Variants in DIP2C observed in about 807,000 individuals in gnomAD.
DIP2C encodes the protein DIP2 acetate--CoA ligase C (putative), also known as disco-interacting protein 2 homolog C.
Under a neutral mutation model 192.4 loss-of-function variants are expected in DIP2C, and 33 were observed. That is an observed-to-expected ratio of 0.17 (90% CI 0.13 to 0.23). The LOEUF is 0.23. DIP2C is among the 10% of genes least tolerant of loss of function. The pLI is 1.00. For synonymous variants in DIP2C, 979 were observed against 864.1 expected, an observed-to-expected ratio of 1.13 and a Z score of -2.33; for missense variants, 1,537 against 2,110.1, an observed-to-expected ratio of 0.73 and a Z score of 5.32.
intron 31 of DIP2C, among the ~76,000 whole-genome samples, chr10:319,224 A>G (rs1263756389): frequency 6.6e-6 from 1 of 152,092 alleles, no homozygotes; most frequent in East Asian, 1.9e-4. Flanking sequence ...ACTTCTTTCA[A>G]CAATCCATGA....
intron 24 of DIP2C, among the ~76,000 whole-genome samples, chr10:353,798 C>T (rs140675554): frequency 8.5e-5 from 13 of 152,270 alleles, no homozygotes; most frequent in East Asian, 3.9e-4. Flanking sequence ...ACGTGCTGAA[C>T]GGACACTTAT....
intron 1 of DIP2C, among the ~76,000 whole-genome samples, chr10:569,769 AGGCAG>A (rs1332451736): frequency 6.6e-6 from 1 of 152,164 alleles, no homozygotes; most frequent in Non-Finnish European, 1.5e-5. Flanking sequence ...CTACCCACAA[AGGCAG>A]GGGTAGGGAG....
chr10:323,638 G>A (rs1158992922), intron 31 of DIP2C, among the ~76,000 whole-genome samples: 1 of 152,214 alleles, frequency 6.6e-6, no homozygotes. Context: ...TACATCAAAT[G>A]ATTAATTGTG....
chr10:399,207 A>G lies in DIP2C; in HGVS notation c.1162T>C (p.Phe388Leu). Residue 388 changes from phenylalanine to leucine, a missense_variant, in exon 10 of 37, where the codon TTC (phenylalanine) becomes CTC (leucine). This residue lies in a region of DIP2C where 473 missense variants were observed against 539.6 expected (regional missense o/e 0.88). Transcript: ENST00000280886. Reference sequence around the variant, plus strand: ...AAGGCAGCCGGATCATTGTTGGGGAACACCAGTGCCACCTGTGGGACAGGC... The same window carrying G: ...AAGGCAGCCGGATCATTGTTGGGGAGCACCAGTGCCACCTGTGGGACAGGC... ...VRPGDRVALV[F>L]PNNDPAAFMA... 1.2e-6 allele frequency: 2 copies of G among 1,614,004 alleles called. No individual in the cohort carries two copies. The highest frequency in any genetic ancestry group is 1.7e-6 in the Non-Finnish European group (2 of 1,180,006).
At chr10:578,739 G>A (rs1232875039) in intron 1 of DIP2C, among the ~76,000 whole-genome samples, 1 of 151,932 alleles carries the variant, frequency 6.6e-6, no homozygotes, top group Non-Finnish European at 1.5e-5. Flanking sequence ...AGTGTAACAT[G>A]TGTACATGCA....
intron 1 of DIP2C, among the ~76,000 whole-genome samples, chr10:565,401 T>C (rs1477573074): frequency 2.8e-5 from 4 of 141,954 alleles, no homozygotes. Flanking sequence ...AACCCCATAA[T>C]GCAGAGTCAA....
At chr10:604,328 G>A (rs563908750) in intron 1 of DIP2C, among the ~76,000 whole-genome samples, 106 of 152,242 alleles carry the variant, frequency 7.0e-4, no homozygotes, top group Middle Eastern at 3.4e-3. Context: ...ATAAATATTT[G>A]ACTATTAAAT....
chr10:619,074 G>A (rs924738640), intron 1 of DIP2C, among the ~76,000 whole-genome samples: 1 of 152,170 alleles, frequency 6.6e-6, no homozygotes, highest in East Asian at 1.9e-4. Context: ...TGAGCTGTGT[G>A]GCAGGCGGAC....
chr10:587,673 G>C (rs1474873066), intron 1 of DIP2C, among the ~76,000 whole-genome samples: 17 of 95,974 alleles, frequency 1.8e-4, no homozygotes, highest in Non-Finnish European at 2.7e-4. Context: ...CCCTGACCCT[G>C]CGGAAACCCC....
intron 10 of DIP2C, among the ~76,000 whole-genome samples, chr10:395,995 C>A (rs895523335): frequency 6.6e-6 from 1 of 152,136 alleles, no homozygotes; most frequent in Non-Finnish European, 1.5e-5. Context: ...GCCCTGTGCA[C>A]AGTGAACGTG....
At chr10:556,020 A>C (rs2130967657) in intron 1 of DIP2C, among the ~76,000 whole-genome samples, 1 of 152,196 alleles carries the variant, frequency 6.6e-6, no homozygotes, top group South Asian at 2.1e-4. Flanking sequence ...GTTACAGTCC[A>C]GTCGCAGCAG....
intron 1 of DIP2C, among the ~76,000 whole-genome samples, chr10:674,067 T>C (rs1222327108): frequency 6.6e-6 from 1 of 152,260 alleles, no homozygotes; most frequent in Non-Finnish European, 1.5e-5. Flanking sequence ...TTCATATTAA[T>C]TTGTGTACAA....
chr10:414,130 G>C lies in DIP2C; in HGVS notation c.860-20C>G. 2 of 1,597,230 alleles carry C rather than the reference G, an allele frequency of 1.3e-6. No homozygotes were observed. Among genetic ancestry groups the C allele is most frequent in the Non-Finnish European group, 1.7e-6 (2 of 1,168,340 alleles). ...GTTGAACTAAATCGTTTGAATACAA[G>C]AGGTTACAAGAGAAATGCATCCACA... On this transcript the variant is annotated intron_variant, in intron 7 of 36. Coordinates refer to ENST00000280886, the MANE Select transcript of DIP2C (RefSeq NM_014974.3).
intron 1 of DIP2C, among the ~76,000 whole-genome samples, chr10:627,967 C>G (rs1854297450): frequency 6.6e-6 from 1 of 152,230 alleles, no homozygotes; most frequent in Non-Finnish European, 1.5e-5. Context: ...TGCTGTTTTA[C>G]CGGGGTACTA....
chr10:569,892 C>CCTAT (rs1849680203), intron 1 of DIP2C, among the ~76,000 whole-genome samples: 1 of 152,198 alleles, frequency 6.6e-6, no homozygotes, highest in Non-Finnish European at 1.5e-5. Flanking sequence ...GGTTTACCTT[C>CCTAT]CTATGTCCAT....
chr10:609,603 T>C (rs548755402), intron 1 of DIP2C, among the ~76,000 whole-genome samples: 1 of 152,320 alleles, frequency 6.6e-6, no homozygotes. Flanking sequence ...CCCCCCAAAA[T>C]AGTTCCTCTT....
intron 29 of DIP2C, among the ~76,000 whole-genome samples, chr10:338,045 T>C (rs1324753298): frequency 7.2e-5 from 11 of 152,308 alleles, no homozygotes; most frequent in Non-Finnish European, 1.3e-4. Context: ...TGCGTGTATA[T>C]ATTAGTTTTT....
chr10:560,866 A>G (rs1466106066), intron 1 of DIP2C, among the ~76,000 whole-genome samples: 3 of 152,094 alleles, frequency 2.0e-5, no homozygotes, highest in Non-Finnish European at 2.9e-5. Context: ...CAGAACTTAG[A>G]CTCTTAGCCT....
chr10:477,125 A>G (rs552058435), intron 2 of DIP2C, among the ~76,000 whole-genome samples: 11 of 149,998 alleles, frequency 7.3e-5, no homozygotes, highest in African/African-American at 2.7e-4. Context: ...GAAGGAAAAG[A>G]AGGCAGTGAG....
Sources: allele counts gnomAD v4.1 joint callset (sites outside exome capture counted in the v4.1 genomes callset), GRCh38; gene constraint gnomAD v4.1.1; regional missense constraint gnomAD v4.1.1; transcripts MANE v1.5; gene names NCBI Gene and HGNC (gene_info 2026-07-23, HGNC 2026-07-21).